Variants in RBM28 observed in about 807,000 individuals in gnomAD.
The protein encoded by RBM28 is RNA binding motif protein 28.
In RBM28, 78 loss-of-function variants were observed where a neutral mutation model predicts 98.3. The observed-to-expected ratio is 0.79, with a 90% CI of 0.66 to 0.96. The LOEUF (loss-of-function observed/expected upper bound fraction) is 0.96, where lower values mean the gene tolerates loss of function less well. Among genes scored for constraint, RBM28 ranks in the 40% least tolerant of loss-of-function variants. RBM28 has a pLI of 0.00. For synonymous variants in RBM28, 306 were observed against 330.9 expected, an observed-to-expected ratio of 0.92 and a Z score of 0.82; for missense variants, 838 against 913.0, an observed-to-expected ratio of 0.92 and a Z score of 1.06.
intron 8 of RBM28, among the ~76,000 whole-genome samples, chr7:128,335,175 T>C (rs1362631493): frequency 6.6e-6 from 1 of 152,242 alleles, no homozygotes; most frequent in Non-Finnish European, 1.5e-5. Context: ...GATGTTGAGA[T>C]GGTTATATCA....
At chr7:128,311,422 CA>C (rs1795982311) in intron 18 of RBM28, among the ~76,000 whole-genome samples, 1 of 152,172 alleles carries the variant, frequency 6.6e-6, no homozygotes, top group South Asian at 2.1e-4. Context: ...AGGGGAGAAG[CA>C]AGCTTGACTT....
At chr7:128,321,484 A>C (rs1355635491) in intron 13 of RBM28, 60 bp from the exon 14 acceptor site, 1 of 1,597,230 alleles carries the variant, frequency 6.3e-7, no homozygotes, top group East Asian at 2.2e-5. Context: ...TAGGCTCATA[A>C]TTCTCCAAAA....
chr7:128,339,822 G>A (rs1047189379), intron 1 of RBM28, 31 bp from the exon 2 acceptor site: 2 of 1,607,580 alleles, frequency 1.2e-6, no homozygotes, highest in Non-Finnish European at 1.7e-6. Flanking sequence ...GGGAGTGGAG[G>A]GGCAGTGTGA....
intron 9 of RBM28, among the ~76,000 whole-genome samples, chr7:128,331,465 T>C (rs1366124113): frequency 1.3e-5 from 2 of 152,172 alleles, no homozygotes; most frequent in Non-Finnish European, 2.9e-5. Context: ...AAACCCTCTT[T>C]TTCCACTTAA....
At chr7:128,334,733 T>C in intron 8 of RBM28, among the ~76,000 whole-genome samples, 1 of 152,252 alleles carries the variant, frequency 6.6e-6, no homozygotes, top group South Asian at 2.1e-4. Flanking sequence ...ACGCACTGTG[T>C]TCCCCCAAAA....
At chr7:128,331,196 C>A (rs531284642) in intron 9 of RBM28, among the ~76,000 whole-genome samples, 9 of 152,254 alleles carry the variant, frequency 5.9e-5, no homozygotes, top group Non-Finnish European at 8.8e-5. Context: ...CGGTGCCCCC[C>A]ACTAGGGAAA....
intron 16 of RBM28, 145 bp from the exon 17 acceptor site, chr7:128,315,165 CA>C: frequency 8.2e-7 from 1 of 1,224,614 alleles, no homozygotes; most frequent in Non-Finnish European, 1.2e-6. Flanking sequence ...AAAGTGAATA[CA>C]TGTAGATCAC....
At chr7:128,333,534 A>G (rs536293180) in intron 8 of RBM28, among the ~76,000 whole-genome samples, 172 bp from the exon 9 acceptor site, 22 of 152,150 alleles carry the variant, frequency 1.4e-4, no homozygotes, top group Non-Finnish European at 2.8e-4. Context: ...CCTGGCCAAC[A>G]TGGCAAAACC....
In RBM28 at chr7:128,325,880, C is replaced by G. The variant is rs765876024; in HGVS notation, c.1141G>C (p.Ala381Pro). The change falls in exon 11 of 19, where the codon GCC (alanine) becomes CCC (proline). Residue 381 changes from alanine to proline, a missense_variant. Coordinates refer to ENST00000223073, the MANE Select transcript of RBM28 (RefSeq NM_018077.3). ...DTEHSKGCAF[A>P]QFMTQEAAQK... is the part of the protein sequence containing the mutation. Reference sequence around the variant, plus strand: ...GCTGCTTCTTGAGTCATGAACTGGGCAAATGCACAACCTGCACAAGGAGAC... The same window carrying G: ...GCTGCTTCTTGAGTCATGAACTGGGGAAATGCACAACCTGCACAAGGAGAC... 6.2e-7 allele frequency: 1 copy of G among 1,613,498 alleles called. No homozygotes were observed. The highest frequency in any genetic ancestry group is 2.2e-5 in the East Asian group (1 of 44,878).
At chr7:128,315,208 G>T (rs551671024) in intron 16 of RBM28, among the ~76,000 whole-genome samples, 188 bp from the exon 17 acceptor site, 5 of 152,306 alleles carry the variant, frequency 3.3e-5, no homozygotes, top group African/African-American at 1.2e-4. Context: ...TGGTTACTGG[G>T]TGGGGGGCAC....
chr7:128,302,604 A>T lies in RBM28; in HGVS notation c.*8193T>A, dbSNP rs1388207827. ...AGGAAATCACAAAATAAATGTATTC[A>T]CTCCTCAGACTCTCTTTTTTCACCT... On this transcript the variant is annotated 3_prime_UTR_variant, in exon 19 of 19. Transcript: ENST00000223073. 6.6e-6 allele frequency: 1 copy of T among 151,712 alleles called. No homozygotes were observed. The allele number at this position is 151,712 out of a possible 1,614,324, so 9.4% of individuals were successfully genotyped here.
At chr7:128,332,426 T>C (rs141942016) in intron 9 of RBM28, among the ~76,000 whole-genome samples, 93 of 152,142 alleles carry the variant, frequency 6.1e-4, no homozygotes, top group African/African-American at 2.2e-3. Flanking sequence ...CAATCCCAGC[T>C]CACTGCAACC....
In RBM28 at chr7:128,321,304, T is replaced by C. The variant is rs763562447; in HGVS notation, c.1525A>G (p.Ser509Gly). 1 of 1,614,228 alleles carries C rather than the reference T, an allele frequency of 6.2e-7. No homozygotes were observed. Among genetic ancestry groups the C allele is most frequent in the Admixed American group, 1.7e-5 (1 of 60,030 alleles). Residue 509 changes from serine to glycine, a missense_variant, in exon 14 of 19, where the codon AGT becomes GGT. Physicochemically the swap from Ser to Gly is moderately conservative, Grantham distance 56. Coordinates refer to ENST00000223073, the MANE Select transcript of RBM28 (RefSeq NM_018077.3). ...DDKQLRKLLL[S>G]ATSGEKGVRI... ...ACCCCTTTCTCTCCACTAGTAGCAC[T>C]CAGCAGCAGCTTTCTGAGCTGTTTG...
chr7:128,342,803 C>T (rs950766308), intron 1 of RBM28, among the ~76,000 whole-genome samples: 21 of 152,198 alleles, frequency 1.4e-4, no homozygotes, highest in Non-Finnish European at 3.1e-4. Flanking sequence ...ATACCAAAAA[C>T]ACCTCTGTTT....
intron 3 of RBM28, 28 bp downstream of exon 3, chr7:128,339,199 T>G (rs767783830): frequency 6.5e-7 from 1 of 1,545,622 alleles, no homozygotes; most frequent in Admixed American, 1.7e-5. Context: ...CTTCAAAACA[T>G]GCAATGTTCA....
At chr7:128,328,518 A>AT (rs565282637) in intron 10 of RBM28, among the ~76,000 whole-genome samples, 1 of 152,068 alleles carries the variant, frequency 6.6e-6, no homozygotes, top group East Asian at 1.9e-4. Flanking sequence ...AGGACAATAC[A>AT]TTTTTTTTAA....
Position 128,339,208 on chromosome 7 carries a change from C to A in RBM28, c.372+19G>T. The A allele has an allele frequency of 1.3e-6, 2 of 1,572,728 alleles. No individual in the cohort carries two copies. Among genetic ancestry groups the A allele is most frequent in the South Asian group, 2.2e-5 (2 of 90,138 alleles). On this transcript the variant is annotated intron_variant, in intron 3 of 18. Transcript: ENST00000223073. Reference sequence around the variant, plus strand: ...AAAAGCCTTCAAAACATGCAATGTTCATTTTCTCTCTCACTTACCTTAAAG... The same window carrying A: ...AAAAGCCTTCAAAACATGCAATGTTAATTTTCTCTCTCACTTACCTTAAAG...
chr7:128,301,063 C>T lies in RBM28; in HGVS notation c.*9734G>A, dbSNP rs1795776115. 6.6e-6 allele frequency: 1 copy of T among 152,256 alleles called. No individual in the cohort carries two copies. The highest frequency in any genetic ancestry group is 2.1e-4 in the South Asian group (1 of 4,832). 9.4% of individuals were successfully genotyped at this position (152,256 alleles called of 1,614,324 possible). On this transcript the variant is annotated 3_prime_UTR_variant, in exon 19 of 19. Coordinates refer to ENST00000223073, the MANE Select transcript of RBM28 (RefSeq NM_018077.3). ...CCAGCACCACCTGAGGACATGTAGC[C>T]TTCCCAGGATTCTGGCGTGTGTTCC...
chr7:128,317,920 C>G (rs748137794), intron 15 of RBM28, 37 bp downstream of exon 15: 4 of 1,612,308 alleles, frequency 2.5e-6, no homozygotes, highest in Non-Finnish European at 3.4e-6. Flanking sequence ...TGCAAGTGGT[C>G]CTAAGGGAAC....
Sources: allele counts gnomAD v4.1 joint callset (sites outside exome capture counted in the v4.1 genomes callset), GRCh38; gene constraint gnomAD v4.1.1; transcripts MANE v1.5; gene names NCBI Gene and HGNC (gene_info 2026-07-23, HGNC 2026-07-21).